Variants in FGD5 observed in about 807,000 individuals in gnomAD.
FGD5 encodes the protein FYVE, RhoGEF and PH domain-containing protein 5.
A neutral mutation model predicts 133.4 loss-of-function variants in FGD5; 28 were observed. That is an observed-to-expected ratio of 0.21 (90% CI 0.16 to 0.29). The LOEUF (loss-of-function observed/expected upper bound fraction) is 0.29. Ranked by LOEUF, FGD5 falls within the 10% of genes least tolerant of loss-of-function variation. The probability of loss-of-function intolerance (pLI) is 1.00; values close to 1 mark genes in which losing one functional copy is unlikely to be tolerated. For synonymous variants in FGD5, 810 were observed against 776.5 expected (o/e 1.04, Z -0.72); for missense variants, 1,858 against 1,895.2 (o/e 0.98, Z 0.36).
At chr3:14,884,880 A>G (rs1575231402) in intron 4 of FGD5, among the ~76,000 whole-genome samples, 1 of 152,126 alleles carries the variant, frequency 6.6e-6, no homozygotes, top group Middle Eastern at 3.4e-3. Flanking sequence ...CAAACTCACG[A>G]CTGCGCCTGC....
rs181351373 is a variant in FGD5 at position 14,908,854 on chromosome 3, C to T, written c.3336+1143C>T. Reference sequence around the variant, plus strand: ...GAGATCGCGCCATTGCACTCCAGCCCGGGCGACAGTGCGAGACTCCCTCCC... The same window carrying T: ...GAGATCGCGCCATTGCACTCCAGCCTGGGCGACAGTGCGAGACTCCCTCCC... On this transcript the variant is annotated intron_variant, in intron 10 of 19. Coordinates refer to ENST00000285046, the MANE Select transcript of FGD5 (RefSeq NM_152536.4). 5.4e-4 allele frequency among the ~76,000 whole-genome samples: 82 copies of T among 150,900 alleles called. 1 individual carries two copies. The East Asian group carries it at 0.015, about 28-fold the overall frequency.
At chr3:14,900,382 T>C (rs370737374) in intron 7 of FGD5, 21 bp from the exon 8 acceptor site, 81 of 1,612,156 alleles carry the variant, frequency 5.0e-5, no homozygotes, top group Non-Finnish European at 6.0e-5. Flanking sequence ...AGCTGACTCC[T>C]GGTTCTTATC....
intron 1 of FGD5, among the ~76,000 whole-genome samples, chr3:14,857,468 T>C (rs904192999): frequency 1.3e-5 from 2 of 152,160 alleles, no homozygotes; most frequent in African/African-American, 4.8e-5. Flanking sequence ...ATTTCATCCT[T>C]TTGGCCTCCA....
chr3:14,859,832 G>A (rs2037361738), intron 1 of FGD5, among the ~76,000 whole-genome samples: 1 of 151,996 alleles, frequency 6.6e-6, no homozygotes, highest in Non-Finnish European at 1.5e-5. Context: ...GTTCTATCAT[G>A]TATGGCCCAT....
At chr3:14,829,903 T>A (rs1176778709) in intron 1 of FGD5, among the ~76,000 whole-genome samples, 1 of 152,192 alleles carries the variant, frequency 6.6e-6, no homozygotes, top group Non-Finnish European at 1.5e-5. Flanking sequence ...ACCTGACTTT[T>A]ATGTATTTTT....
chr3:14,837,425 G>A (rs2036836797), intron 1 of FGD5, among the ~76,000 whole-genome samples: 1 of 152,192 alleles, frequency 6.6e-6, no homozygotes, highest in Non-Finnish European at 1.5e-5. Flanking sequence ...GCAGAAATTA[G>A]TTTCCTTCGA....
intron 2 of FGD5, among the ~76,000 whole-genome samples, chr3:14,875,171 C>G (rs1477652369): frequency 6.6e-6 from 1 of 152,172 alleles, no homozygotes; most frequent in Non-Finnish European, 1.5e-5. Flanking sequence ...TTTCTGAGCA[C>G]TCTCCCGTCT....
At chr3:14,913,747 G>C (rs1285230326) in intron 11 of FGD5, among the ~76,000 whole-genome samples, 1 of 152,102 alleles carries the variant, frequency 6.6e-6, no homozygotes, top group Non-Finnish European at 1.5e-5. Flanking sequence ...TCCCCAATCT[G>C]TCCTCACCTC....
In FGD5 at chr3:14,907,746, G is replaced by A. The variant is rs1202915378; in HGVS notation, c.3336+35G>A. On this transcript the variant is annotated intron_variant, in intron 10 of 19. Coordinates refer to ENST00000285046, the MANE Select transcript of FGD5 (RefSeq NM_152536.4). ...GCCACCATGGGTAGGGGCAGAGGGT[G>A]GCTGGGCGAGGCTCCGATAAGCCCC... The A allele has an allele frequency of 2.5e-6, 4 of 1,602,252 alleles. No homozygotes were observed. In the African/African-American group the frequency reaches 5.4e-5, roughly 21 times the overall value.
chr3:14,887,799 G>A (rs982352109), intron 4 of FGD5, among the ~76,000 whole-genome samples: 2 of 152,174 alleles, frequency 1.3e-5, no homozygotes, highest in Admixed American at 6.5e-5. Flanking sequence ...GAATAGCCAG[G>A]TGGGGGTGCA....
intron 4 of FGD5, among the ~76,000 whole-genome samples, chr3:14,893,577 A>T (rs2038072390): frequency 6.6e-6 from 1 of 152,110 alleles, no homozygotes; most frequent in South Asian, 2.1e-4. Context: ...TGAACTCCTG[A>T]CTTCAAGTAG....
At chr3:14,932,770 T>C (rs2038921386) in intron 19 of FGD5, 39 bp downstream of exon 19, 1 of 1,593,296 alleles carries the variant, frequency 6.3e-7, no homozygotes, top group Non-Finnish European at 8.5e-7. Flanking sequence ...CTTTTTGTTC[T>C]CTCAGAAGGC....
Position 14,864,242 on chromosome 3 carries a change from C to A in FGD5, c.2640C>A (p.Asp880Glu), listed in dbSNP as rs759904238. 5 of 1,613,862 alleles carry A rather than the reference C, an allele frequency of 3.1e-6. No homozygotes were observed. Among genetic ancestry groups the A allele is most frequent in the Non-Finnish European group, 3.4e-6 (4 of 1,179,882 alleles). Residue 880 changes from aspartate to glutamate, a missense_variant, in exon 2 of 20, where the codon GAC becomes GAA. Asp to Glu is a conservative substitution (Grantham distance 45). Transcript: ENST00000285046. ...SSEEEDSASR[D>E]PSVTHKVEGQ... Reference sequence around the variant, plus strand: ...AGGAGGAGGACAGTGCTTCAAGAGACCCCAGTGTCACCCACAAGGTAGGGC... The same window carrying A: ...AGGAGGAGGACAGTGCTTCAAGAGAACCCAGTGTCACCCACAAGGTAGGGC...
chr3:14,848,104 T>C (rs545690397), intron 1 of FGD5, among the ~76,000 whole-genome samples: 1 of 152,154 alleles, frequency 6.6e-6, no homozygotes, highest in East Asian at 1.9e-4. Context: ...TTACAGGAAA[T>C]GCAGGACAAG....
intron 1 of FGD5, among the ~76,000 whole-genome samples, chr3:14,822,898 G>A (rs559781310): frequency 6.6e-6 from 1 of 152,328 alleles, no homozygotes; most frequent in South Asian, 2.1e-4. Flanking sequence ...TGTTGGAGTA[G>A]AGCTGCTAGG....
chr3:14,833,831 G>A (rs1217935916), intron 1 of FGD5, among the ~76,000 whole-genome samples: 2 of 151,886 alleles, frequency 1.3e-5, no homozygotes, highest in East Asian at 1.9e-4. Flanking sequence ...CACACCTGCC[G>A]ACAAGCAGCC....
intron 1 of FGD5, among the ~76,000 whole-genome samples, chr3:14,846,759 C>G (rs1003252358): frequency 4.6e-5 from 7 of 152,374 alleles, no homozygotes; most frequent in Admixed American, 1.3e-4. Flanking sequence ...GGCAGTCACT[C>G]AGCCCCCCTG....
At position 14,922,265 on chromosome 3, in the gene FGD5, G is replaced by A. The variant is rs561851567; in HGVS notation, c.3670-146G>A. The A allele has an allele frequency of 2.5e-6, 3 of 1,203,268 alleles. No individual in the cohort carries two copies. Among genetic ancestry groups the A allele is most frequent in the East Asian group, 5.1e-5 (2 of 39,068 alleles). 74.5% of individuals were successfully genotyped at this position (1,203,268 alleles called of 1,614,324 possible). On this transcript the variant is annotated intron_variant, in intron 14 of 19. Coordinates refer to ENST00000285046, the MANE Select transcript of FGD5 (RefSeq NM_152536.4). The surrounding 1 kb of genome is among the most constrained non-coding windows in gnomAD (Gnocchi z 4.1). ...CCAACCAAGGGTGAGCATCCTGGAG[G>A]GTGCAGGAGAGGCCTTTCACATCAG...
chr3:14,886,291 G>A (rs1361108189), intron 4 of FGD5, among the ~76,000 whole-genome samples: 1 of 152,156 alleles, frequency 6.6e-6, no homozygotes, highest in African/African-American at 2.4e-5. Context: ...TCATCTCCTT[G>A]GGTACTCCTA....
Sources: allele counts gnomAD v4.1 joint callset (sites outside exome capture counted in the v4.1 genomes callset), GRCh38; gene constraint gnomAD v4.1.1; non-coding constraint Gnocchi (gnomAD v3.1); transcripts MANE v1.5; gene names NCBI Gene and HGNC (gene_info 2026-07-23, HGNC 2026-07-21).